The following HAUS6 variants were observed in gnomAD, a reference collection of about 807,000 sequenced individuals.
The protein encoded by HAUS6 is HAUS augmin like complex subunit 6.
A neutral mutation model predicts 106.8 loss-of-function variants in HAUS6; 80 were observed. That is an observed-to-expected ratio of 0.75 (90% confidence interval 0.63 to 0.90). The LOEUF is 0.90. HAUS6 is among the 40% of genes least tolerant of loss of function. HAUS6 has a pLI of 0.00. For missense variants in HAUS6, 1,155 were observed against 1,118.1 expected, an observed-to-expected ratio of 1.03 and a Z score of -0.47; for synonymous variants, 356 against 379.1, an observed-to-expected ratio of 0.94 and a Z score of 0.71.
intron 2 of HAUS6, 84 bp downstream of exon 2, chr9:19,096,590 G>T (rs910057018): frequency 4.8e-6 from 2 of 416,728 alleles, no homozygotes; most frequent in African/African-American, 3.2e-5. Flanking sequence ...AAAAAAAAAA[G>T]GAGAGAATTC....
chr9:19,081,908 A>G (rs1837159258), intron 8 of HAUS6, among the ~76,000 whole-genome samples: 1 of 152,090 alleles, frequency 6.6e-6, no homozygotes, highest in Non-Finnish European at 1.5e-5. Flanking sequence ...CTACTAAAGA[A>G]GTGTCTCTCT....
chr9:19,058,508 C>A lies in HAUS6; in HGVS notation c.2259G>T (p.Leu753Phe), dbSNP rs761378315. ...CNKPSTNKTM[L>F]WNSFQISSGI... ...CACTTGATATCTGAAAAGAATTCCACAACATAGTTTTATTTGTGGAAGGTT... is the reference window on the plus strand; with the variant it reads ...CACTTGATATCTGAAAAGAATTCCAAAACATAGTTTTATTTGTGGAAGGTT... The change falls in exon 16 of 17, where the codon TTG becomes TTT. Residue 753 changes from leucine (L) to phenylalanine (F), a missense_variant. Physicochemically the swap from Leu to Phe is conservative, Grantham distance 22 (BLOSUM62 0). Coordinates refer to ENST00000380502, the MANE Select transcript of HAUS6 (RefSeq NM_017645.5). 7 of 1,578,208 alleles carry A rather than the reference C, an allele frequency of 4.4e-6. No individual in the cohort carries two copies. The highest frequency in any genetic ancestry group is 6.0e-6 in the Non-Finnish European group (7 of 1,159,136).
chr9:19,067,575 T>C (rs1206410099), intron 12 of HAUS6, among the ~76,000 whole-genome samples: 2 of 152,228 alleles, frequency 1.3e-5, no homozygotes, highest in Admixed American at 1.3e-4. Flanking sequence ...GTATATCTAA[T>C]AGACCTTCTT....
At position 19,091,370 on chromosome 9, in the gene HAUS6, G is replaced by C. The variant is rs1462229712; in HGVS notation, c.436+1801C>G. On this transcript the variant is annotated intron_variant, in intron 4 of 16. Coordinates refer to ENST00000380502, the MANE Select transcript of HAUS6 (RefSeq NM_017645.5). ...GGAAATGAGTGTACCGAATTTAGAA[G>C]TTATCTAGACTCTGAACACGTTGAC... 7.9e-5 allele frequency among the ~76,000 whole-genome samples: 12 copies of C among 151,634 alleles called. 1 individual carries two copies. Among genetic ancestry groups the C allele is most frequent in the Admixed American group, 7.9e-4 (12 of 15,212 alleles).
chr9:19,098,579 CTT>C (rs1817912505), intron 1 of HAUS6, among the ~76,000 whole-genome samples: 1 of 152,184 alleles, frequency 6.6e-6, no homozygotes, highest in Non-Finnish European at 1.5e-5. Flanking sequence ...CCTACTGCCA[CTT>C]TAGTTCAGGC....
chr9:19,089,438 A>C lies in HAUS6; in HGVS notation c.558T>G (p.Val186=). ...GTGCATTTTCCTGATATTTTTGGGT[A>C]ACACAATCTTGTCTTTGCAAAATTT... ...FLQILQRQDC[V]TQKYQENAQL... is the part of the protein sequence containing the mutation. Residue 186 remains valine (V), a synonymous_variant, in exon 5 of 17, where the codon GTT becomes GTG. Coordinates refer to ENST00000380502, the MANE Select transcript of HAUS6 (RefSeq NM_017645.5). 1.2e-6 allele frequency: 2 copies of C among 1,610,640 alleles called. No homozygotes were observed. Among genetic ancestry groups the C allele is most frequent in the Non-Finnish European group, 1.7e-6 (2 of 1,176,884 alleles).
At chr9:19,084,922 C>G (rs1331384123) in intron 7 of HAUS6, among the ~76,000 whole-genome samples, 2 of 151,894 alleles carry the variant, frequency 1.3e-5, no homozygotes, top group African/African-American at 4.8e-5. Flanking sequence ...CCACTGTACC[C>G]CCGCCTCTTT....
chr9:19,069,611 T>G (rs1836844356), intron 12 of HAUS6, among the ~76,000 whole-genome samples: 1 of 151,898 alleles, frequency 6.6e-6, no homozygotes, highest in Non-Finnish European at 1.5e-5. Flanking sequence ...GGAGGGGAAC[T>G]ATTTGAACCC....
rs769268526 is a variant in HAUS6, at chr9:19,058,933, G to C, written c.1834C>G (p.Gln612Glu). Residue 612 changes from glutamine (Q) to glutamate (E), a missense_variant, in exon 16 of 17, where the codon CAA becomes GAA. Gln to Glu is a conservative substitution (Grantham distance 29, BLOSUM62 2). Around this residue, in one of 3 missense-constraint regions of HAUS6, gnomAD observed 14 missense variants for 33.2 expected, o/e 0.42. Transcript: ENST00000380502. ...MEENRTKEPI[Q>E]MDAEHREVLP... ...ACTTCTCTATGTTCAGCATCCATTT[G>C]AATTGGTTCTTTAGTTCTGTTTTCT... 11 of 1,597,718 alleles carry C rather than the reference G, an allele frequency of 6.9e-6. No individual in the cohort carries two copies. The South Asian group carries it at 1.2e-4, about 18-fold the overall frequency.
intron 5 of HAUS6, among the ~76,000 whole-genome samples, chr9:19,087,641 G>C (rs1837329187): frequency 1.3e-5 from 2 of 151,984 alleles, no homozygotes; most frequent in Non-Finnish European, 2.9e-5. Flanking sequence ...TGTGGCTTCA[G>C]GCCAGGAGTT....
chr9:19,063,478 G>T, intron 13 of HAUS6, 36 bp downstream of exon 13: 1 of 986,912 alleles, frequency 1.0e-6, no homozygotes, highest in Non-Finnish European at 1.5e-6. Flanking sequence ...AATTTAGTAT[G>T]GTCCAGAATT....
chr9:19,086,160 A>T (rs1241323784), intron 7 of HAUS6, among the ~76,000 whole-genome samples: 2 of 151,740 alleles, frequency 1.3e-5, no homozygotes, highest in African/African-American at 4.8e-5. Flanking sequence ...AAAATACAAA[A>T]ATCAGCTGCA....
rs1365031521 is a variant in HAUS6, at chr9:19,081,662, T to C, written c.871-990A>G. ...ATCATGTTGGCCAGGCTGGTCTCAA[T>C]ACCTGACCGCAAGTGATCTACCCTC... On this transcript the variant is annotated intron_variant, in intron 8 of 16. Transcript: ENST00000380502. Among the ~76,000 whole-genome samples the C allele has an allele frequency of 5.3e-5, 8 of 152,048 alleles. No homozygotes were observed. The South Asian group carries it at 6.2e-4, about 12-fold the overall frequency.
At chr9:19,071,308 C>T (rs1279299133) in intron 11 of HAUS6, among the ~76,000 whole-genome samples, 1 of 151,662 alleles carries the variant, frequency 6.6e-6, no homozygotes. Context: ...CCATGAGATA[C>T]AAAAAAGTTG....
At chr9:19,065,254 C>G (rs1360328552) in intron 12 of HAUS6, among the ~76,000 whole-genome samples, 1 of 152,210 alleles carries the variant, frequency 6.6e-6, no homozygotes, top group Non-Finnish European at 1.5e-5. Context: ...AGCCCTGGCT[C>G]AGTCTTTATA....
chr9:19,071,410 G>A (rs1377967915), intron 11 of HAUS6, among the ~76,000 whole-genome samples: 1 of 152,018 alleles, frequency 6.6e-6, no homozygotes, highest in Non-Finnish European at 1.5e-5. Flanking sequence ...AAGAATAAGA[G>A]ATAAAGTAAT....
intron 3 of HAUS6, 106 bp downstream of exon 3, chr9:19,094,211 C>G (rs2131153044): frequency 3.1e-6 from 2 of 649,328 alleles, no homozygotes; most frequent in South Asian, 3.9e-5. Flanking sequence ...CTTGCTTATA[C>G]TGATAGCATT....
chr9:19,066,684 TCTCGCTCTGATCAGAACCAGAA>T (rs1320813958), intron 12 of HAUS6, among the ~76,000 whole-genome samples: 1 of 151,834 alleles, frequency 6.6e-6, no homozygotes, highest in Admixed American at 6.6e-5. Context: ...TAATGCAGCC[TCTCGCTCTGATCAGAACCAGAA>T]ATGGAAGCCA....
chr9:19,067,939 C>T (rs1447333333), intron 12 of HAUS6, among the ~76,000 whole-genome samples: 1 of 151,934 alleles, frequency 6.6e-6, no homozygotes, highest in Non-Finnish European at 1.5e-5. Context: ...GGTGAGCCAC[C>T]CACCTCAGCC....
Sources: allele counts gnomAD v4.1 joint callset (sites outside exome capture counted in the v4.1 genomes callset), GRCh38; gene constraint gnomAD v4.1.1; regional missense constraint gnomAD v4.1.1; transcripts MANE v1.5; gene names NCBI Gene and HGNC (gene_info 2026-07-23, HGNC 2026-07-21).